Variants in XKRX observed in about 807,000 individuals in gnomAD.
The protein encoded by XKRX is XK-related protein 2.
In XKRX, 11 loss-of-function variants were observed where a neutral mutation model predicts 22.4. The observed-to-expected ratio is 0.49, with a 90% CI of 0.31 to 0.81. XKRX has a LOEUF of 0.81. Ranked by LOEUF, XKRX falls within the 40% of genes least tolerant of loss-of-function variation. The pLI is 0.05. For synonymous variants in XKRX, 114 were observed against 132.2 expected (o/e 0.86, Z 0.94); for missense variants, 320 against 336.5 (o/e 0.95, Z 0.38).
downstream of XKRX, among the ~76,000 whole-genome samples, chrX:100,912,080 T>G (rs912707078): frequency 1.6e-4 from 18 of 111,954 alleles, no homozygotes; most frequent in African/African-American, 5.5e-4. Context: ...AGTAGCTGAT[T>G]CACATGGCTT....
the XKRX span, among the ~76,000 whole-genome samples, chrX:100,949,803 C>CA: frequency 2.0e-3 from 228 of 111,861 alleles, no homozygotes; most frequent in African/African-American, 6.8e-3. Flanking sequence ...GCTGAGCTGA[C>CA]ACAGATGTTG....
the XKRX span, among the ~76,000 whole-genome samples, chrX:100,949,619 C>G: frequency 9.0e-6 from 1 of 110,743 alleles, no homozygotes; most frequent in Non-Finnish European, 1.9e-5. Context: ...CTGCCCACCT[C>G]GGCCTCCCAA....
the XKRX span, among the ~76,000 whole-genome samples, chrX:100,954,330 A>G: frequency 9.0e-6 from 1 of 110,504 alleles, no homozygotes; most frequent in Non-Finnish European, 1.9e-5. Context: ...GAGGCAGGAG[A>G]ATCACTTGAA....
At chrX:100,889,485 C>T in the XKRX span, among the ~76,000 whole-genome samples, 7 of 109,976 alleles carry the variant, frequency 6.4e-5, no homozygotes, top group African/African-American at 9.9e-5. Flanking sequence ...AATCTTCCTG[C>T]GTCAGCCTTG....
chrX:100,892,258 C>A, the XKRX span, among the ~76,000 whole-genome samples: 1 of 111,668 alleles, frequency 9.0e-6, no homozygotes. Context: ...GCAAAACATG[C>A]TGACTATAGT....
chrX:100,919,729 T>C lies in XKRX; in HGVS notation c.604+3064A>G, dbSNP rs193214780. Among the ~76,000 whole-genome samples, 622 of 112,307 alleles carry C rather than the reference T, an allele frequency of 5.5e-3. 3 individuals carry two copies. The highest frequency in any genetic ancestry group is 0.019 in the African/African-American group (581 of 31,009). On this transcript the variant is annotated intron_variant, in intron 2 of 2. Transcript: ENST00000372956. ...TTAAAAGCCAATTATTTTATAATTA[T>C]ACAAATAAAGAATATTGAGTTTAAG... is the stretch of plus-strand genomic sequence containing the variant.
At chrX:100,945,151 C>T in the XKRX span, among the ~76,000 whole-genome samples, 2 of 107,700 alleles carry the variant, frequency 1.9e-5, no homozygotes, top group Admixed American at 2.0e-4. Context: ...GAACGTGGCT[C>T]ACTGCAGCCT....
At chrX:100,910,468 C>T (rs187753089), downstream of XKRX, among the ~76,000 whole-genome samples, 1,056 of 109,951 alleles carry the variant, frequency 9.6e-3, 11 homozygotes, top group African/African-American at 0.033. Flanking sequence ...GCCTGTAATC[C>T]CAGCTACTTG....
chrX:100,905,326 C>A, the XKRX span, among the ~76,000 whole-genome samples: 2 of 112,084 alleles, frequency 1.8e-5, no homozygotes, highest in African/African-American at 6.5e-5. Context: ...AGCCCTCTTC[C>A]TTCAAAGGCA....
chrX:100,949,461 G>A, the XKRX span, among the ~76,000 whole-genome samples: 1 of 108,049 alleles, frequency 9.3e-6, no homozygotes, highest in African/African-American at 3.4e-5. Flanking sequence ...TGCCTTCCTG[G>A]TTCAAGTGAT....
Position 100,914,446 on chromosome X carries a change from A to G in XKRX, c.1242T>C (p.His414=). The G allele has an allele frequency of 2.5e-6, 3 of 1,212,115 alleles. No homozygotes were observed. The highest frequency in any genetic ancestry group is 3.4e-6 in the Non-Finnish European group (3 of 895,513). The change falls in exon 3 of 3, where the codon CAT becomes CAC. Residue 414 remains histidine (H), a synonymous_variant. Transcript: ENST00000372956. ...YLHPLRSLFT[H]NVVDYLHCVC... is the part of the protein sequence containing the mutation. ...CACAATGGAGGTAGTCTACTACATT[A>G]TGGGTGAAGAGTGAGCGCAATGGAT...
downstream of XKRX, among the ~76,000 whole-genome samples, chrX:100,912,149 AT>A (rs1208716850): frequency 8.9e-6 from 1 of 111,868 alleles, no homozygotes; most frequent in Non-Finnish European, 1.9e-5. Context: ...TACAGTGACT[AT>A]TGGGGAGAAA....
the XKRX span, among the ~76,000 whole-genome samples, chrX:100,956,346 C>T: frequency 8.9e-6 from 1 of 111,733 alleles, no homozygotes; most frequent in Non-Finnish European, 1.9e-5. Context: ...GCATGTATAC[C>T]TCTGTACTTC....
chrX:100,943,586 T>C, the XKRX span, among the ~76,000 whole-genome samples: 11 of 111,625 alleles, frequency 9.9e-5, no homozygotes, highest in African/African-American at 3.6e-4. Flanking sequence ...GTATTTTTAG[T>C]AGAGACAGGG....
rs1264963852 is a variant in XKRX, at chrX:100,928,795, G to C, written c.-491C>G. The stretch of plus-strand genomic sequence containing the variant: ...GTCAGCGGAGAGCTGAGCCAGGGCA[G>C]AAGAGCGGGCGCAGAAGAAGGAGGG... On this transcript the variant is annotated 5_prime_UTR_variant, in exon 1 of 3. Coordinates refer to ENST00000372956, the MANE Select transcript of XKRX (RefSeq NM_212559.3). 6 of 756,147 alleles carry C rather than the reference G, an allele frequency of 7.9e-6. No individual in the cohort carries two copies. Among genetic ancestry groups the C allele is most frequent in the Non-Finnish European group, 9.4e-6 (6 of 641,701 alleles). 62.3% of individuals were successfully genotyped at this position (756,147 alleles called of 1,213,427 possible). A position where few individuals can be genotyped will look rare whatever the true frequency, so the allele number is the denominator to read the frequency against.
At chrX:100,910,342 T>A (rs773300392), downstream of XKRX, among the ~76,000 whole-genome samples, 68 of 110,623 alleles carry the variant, frequency 6.1e-4, 1 homozygote, top group African/African-American at 2.0e-3. Context: ...TCTCAACACT[T>A]TGGGAGGCCG....
the XKRX span, among the ~76,000 whole-genome samples, chrX:100,946,189 GA>G: frequency 0.013 from 781 of 58,341 alleles, 10 homozygotes; most frequent in African/African-American, 0.038. Flanking sequence ...CGTCTAAAAA[GA>G]AAAAAAAAAA....
downstream of XKRX, among the ~76,000 whole-genome samples, chrX:100,912,572 A>G (rs1192262175): frequency 8.9e-6 from 1 of 112,302 alleles, no homozygotes; most frequent in Non-Finnish European, 1.9e-5. Flanking sequence ...TACCAAGAGT[A>G]AAATTGGATG....
At chrX:100,910,171 C>T (rs768541821), downstream of XKRX, among the ~76,000 whole-genome samples, 1 of 111,283 alleles carries the variant, frequency 9.0e-6, no homozygotes, top group East Asian at 2.8e-4. Flanking sequence ...TGGCCTACTT[C>T]TTTTCCCCAA....
Sources: gnomAD v4.1 joint callset for allele counts (sites outside exome capture counted in the v4.1 genomes callset) on GRCh38, gnomAD v4.1.1 for gene constraint, MANE v1.5 for transcripts, NCBI Gene and HGNC (gene_info 2026-07-23, HGNC 2026-07-21) for gene names.